Variants in ACOXL observed in about 807,000 individuals in gnomAD.
ACOXL encodes acyl-coenzyme A oxidase-like protein.
A neutral mutation model predicts 71.9 loss-of-function variants in ACOXL; 70 were observed. That is an observed-to-expected ratio of 0.97 (90% CI 0.80 to 1.19). The LOEUF (loss-of-function observed/expected upper bound fraction) is 1.19, where lower values mean the gene tolerates loss of function less well. Ranked by LOEUF, ACOXL falls within the 50% of genes most tolerant of loss-of-function variation. The probability of loss-of-function intolerance (pLI) is 0.00; values close to 1 mark genes in which losing one functional copy is unlikely to be tolerated. For synonymous variants in ACOXL, 253 were observed against 281.6 expected (o/e 0.90, Z 1.02); for missense variants, 703 against 736.3 (o/e 0.95, Z 0.52).
intron 10 of ACOXL, among the ~76,000 whole-genome samples, chr2:110,857,975 C>G (rs1693468466): frequency 6.6e-6 from 1 of 152,186 alleles, no homozygotes; most frequent in South Asian, 2.1e-4. Flanking sequence ...ATCCACCCAC[C>G]TCGGCCTCCC....
chr2:110,842,653 C>A (rs1340807143), intron 10 of ACOXL, among the ~76,000 whole-genome samples: 1 of 152,122 alleles, frequency 6.6e-6, no homozygotes, highest in Non-Finnish European at 1.5e-5. Context: ...GGGGACTTAA[C>A]AAACTTAGCC....
At chr2:110,980,603 G>C (rs562373017) in intron 12 of ACOXL, among the ~76,000 whole-genome samples, 1 of 152,142 alleles carries the variant, frequency 6.6e-6, no homozygotes, top group Non-Finnish European at 1.5e-5. Flanking sequence ...ACAGGAAATC[G>C]CAGAGGTGGC....
chr2:110,914,381 G>A (rs1479791281), intron 11 of ACOXL, among the ~76,000 whole-genome samples: 1 of 152,162 alleles, frequency 6.6e-6, no homozygotes, highest in Admixed American at 6.5e-5. Flanking sequence ...TTATACAGGT[G>A]TTCAATTTAT....
intron 10 of ACOXL, among the ~76,000 whole-genome samples, chr2:110,859,466 A>G (rs1475430134): frequency 6.6e-6 from 1 of 152,218 alleles, no homozygotes; most frequent in African/African-American, 2.4e-5. Flanking sequence ...CAGACAATCT[A>G]TTCATCAGAA....
At chr2:111,040,587 A>G (rs992149069) in intron 15 of ACOXL, among the ~76,000 whole-genome samples, 17 of 152,142 alleles carry the variant, frequency 1.1e-4, no homozygotes, top group African/African-American at 3.9e-4. Flanking sequence ...GAGAGCCCCC[A>G]TAGACTAGGA....
At chr2:110,918,328 A>C (rs1410576198) in intron 11 of ACOXL, among the ~76,000 whole-genome samples, 3 of 152,224 alleles carry the variant, frequency 2.0e-5, no homozygotes. Context: ...CTGTTTAATA[A>C]ATGGTGTTGG....
At chr2:110,888,373 G>A (rs974011383) in intron 10 of ACOXL, among the ~76,000 whole-genome samples, 1 of 152,164 alleles carries the variant, frequency 6.6e-6, no homozygotes, top group Non-Finnish European at 1.5e-5. Flanking sequence ...TCCCTCAAAG[G>A]ATTATTTACT....
chr2:110,999,549 A>G (rs1196379733), intron 14 of ACOXL, among the ~76,000 whole-genome samples: 1 of 152,148 alleles, frequency 6.6e-6, no homozygotes, highest in African/African-American at 2.4e-5. Flanking sequence ...CCACCTCCTG[A>G]TAGTCACAGC....
intron 9 of ACOXL, among the ~76,000 whole-genome samples, chr2:110,816,097 G>T (rs1239869591): frequency 6.6e-6 from 1 of 151,874 alleles, no homozygotes; most frequent in Non-Finnish European, 1.5e-5. Context: ...AGATGGGTGG[G>T]TAGATGAATG....
At chr2:111,019,105 T>C (rs1214683000) in intron 14 of ACOXL, among the ~76,000 whole-genome samples, 1 of 152,194 alleles carries the variant, frequency 6.6e-6, no homozygotes, top group Non-Finnish European at 1.5e-5. Flanking sequence ...TCAGGTTCCA[T>C]AACATAGTCT....
chr2:110,841,543 T>C, intron 10 of ACOXL, 138 bp downstream of exon 10: 1 of 666,720 alleles, frequency 1.5e-6, no homozygotes, highest in Non-Finnish European at 2.6e-6. Flanking sequence ...GGAATTGTTC[T>C]AGTTGCTTGA....
At chr2:111,044,647 A>G (rs997875212) in intron 15 of ACOXL, among the ~76,000 whole-genome samples, 30 of 152,272 alleles carry the variant, frequency 2.0e-4, no homozygotes, top group African/African-American at 6.3e-4. Flanking sequence ...AATCAGTACA[A>G]TGGTATTGTG....
chr2:110,908,932 C>A, intron 11 of ACOXL, 27 bp downstream of exon 11: 1 of 1,575,664 alleles, frequency 6.3e-7, no homozygotes, highest in Non-Finnish European at 8.7e-7. Context: ...GGTTTGCTCT[C>A]TTAGGGTAAG....
chr2:110,999,467 A>G (rs1318215993), intron 14 of ACOXL, among the ~76,000 whole-genome samples: 1 of 152,120 alleles, frequency 6.6e-6, no homozygotes, highest in Non-Finnish European at 1.5e-5. Context: ...GAAAGGCAAA[A>G]TGATGACCTC....
rs191148910 is a variant in ACOXL at position 110,849,673 on chromosome 2, G to A, written c.788+8268G>A. Among the ~76,000 whole-genome samples, 274 of 152,292 alleles carry A rather than the reference G, an allele frequency of 1.8e-3. 1 individual carries two copies. The highest frequency in any genetic ancestry group is 6.2e-3 in the African/African-American group (256 of 41,546). ...CTCAAGAGGCTGAGGCAGGAGAATT[G>A]CTTGAACCCGGGAGGTGGAGGTTGC... On this transcript the variant is annotated intron_variant, in intron 10 of 17. Coordinates refer to ENST00000439055, the MANE Select transcript of ACOXL (RefSeq NM_001142807.4).
chr2:110,900,127 A>ACACG (rs1458007044), intron 10 of ACOXL, among the ~76,000 whole-genome samples: 4 of 107,144 alleles, frequency 3.7e-5, no homozygotes, highest in Non-Finnish European at 8.8e-5. Flanking sequence ...ACACACACAC[A>ACACG]CACTTCTTCT....
chr2:110,881,799 G>A (rs1696683909), intron 10 of ACOXL, among the ~76,000 whole-genome samples: 1 of 151,880 alleles, frequency 6.6e-6, no homozygotes, highest in Non-Finnish European at 1.5e-5. Context: ...ATCCATTCAT[G>A]TATCAGTAGT....
At chr2:110,976,565 G>A (rs1037167300) in intron 12 of ACOXL, among the ~76,000 whole-genome samples, 4 of 152,208 alleles carry the variant, frequency 2.6e-5, no homozygotes, top group Non-Finnish European at 5.9e-5. Context: ...ATGAACTGCA[G>A]GAAAGCATTC....
In ACOXL at chr2:111,064,451, A is replaced by C. The variant is rs528206745; in HGVS notation, c.1440+15163A>C. On this transcript the variant is annotated intron_variant, in intron 16 of 17. Transcript: ENST00000439055. ...ACTCCATCTCAAAAAAAAAACAAAA[A>C]AAAAACAACAACTATATAGTATTTG... Among the ~76,000 whole-genome samples the C allele has an allele frequency of 2.6e-5, 4 of 151,666 alleles. No homozygotes were observed. In the South Asian group the frequency reaches 8.3e-4, roughly 31 times the overall value.
Sources: allele counts gnomAD v4.1 joint callset (sites outside exome capture counted in the v4.1 genomes callset), GRCh38; gene constraint gnomAD v4.1.1; transcripts MANE v1.5; gene names NCBI Gene and HGNC (gene_info 2026-07-23, HGNC 2026-07-21).